UBE3C: variants seen among roughly 807,000 people sequenced by gnomAD.
UBE3C encodes ubiquitin protein ligase E3C.
A neutral mutation model predicts 129.4 loss-of-function variants in UBE3C; 42 were observed. The ratio of observed to expected loss-of-function variants is 0.32; its 90% confidence interval spans 0.25 to 0.42. The LOEUF (loss-of-function observed/expected upper bound fraction) is 0.42. UBE3C is among the 10% of genes least tolerant of loss of function. The probability of loss-of-function intolerance (pLI) is 1.00; values close to 1 mark genes in which losing one functional copy is unlikely to be tolerated. For missense variants in UBE3C, 1,049 were observed against 1,319.1 expected (o/e 0.80, Z 3.17); for synonymous variants, 510 against 492.4 (o/e 1.04, Z -0.47).
At chr7:157,261,509 G>A (rs1182869739) in intron 22 of UBE3C, among the ~76,000 whole-genome samples, 1 of 151,932 alleles carries the variant, frequency 6.6e-6, no homozygotes, top group Non-Finnish European at 1.5e-5. Flanking sequence ...TCCATGATAA[G>A]TGTTTTTGAA....
intron 9 of UBE3C, among the ~76,000 whole-genome samples, chr7:157,186,098 A>G (rs1808797508): frequency 6.6e-6 from 1 of 152,160 alleles, no homozygotes; most frequent in South Asian, 2.1e-4. Context: ...ATTAAGGTAT[A>G]AAATAGATTT....
At chr7:157,264,523 A>G (rs1398018136) in intron 22 of UBE3C, among the ~76,000 whole-genome samples, 1 of 151,056 alleles carries the variant, frequency 6.6e-6, no homozygotes, top group Non-Finnish European at 1.5e-5. Context: ...TGTTACACAC[A>G]CACACACACA....
intron 1 of UBE3C, among the ~76,000 whole-genome samples, chr7:157,157,961 C>T (rs1326783096): frequency 2.3e-5 from 3 of 129,662 alleles, no homozygotes; most frequent in Non-Finnish European, 4.7e-5. Context: ...GCCTGGGCAA[C>T]AGATATATAT....
intron 8 of UBE3C, among the ~76,000 whole-genome samples, 156 bp downstream of exon 8, chr7:157,182,484 C>G (rs1188230170): frequency 6.6e-6 from 1 of 152,100 alleles, no homozygotes; most frequent in South Asian, 2.1e-4. Flanking sequence ...CAGTGTGTTC[C>G]TGGGGACAGT....
intron 18 of UBE3C, among the ~76,000 whole-genome samples, chr7:157,239,020 G>A (rs912039130): frequency 6.6e-6 from 1 of 152,122 alleles, no homozygotes; most frequent in Non-Finnish European, 1.5e-5. Flanking sequence ...TCTGTGGCGT[G>A]GTGAAGGCAA....
chr7:157,257,006 G>C lies in UBE3C; in HGVS notation c.3043G>C (p.Val1015Leu), dbSNP rs1364552188. Residue 1015 changes from valine (V) to leucine (L), a missense_variant, in exon 22 of 23, where the codon GTA (valine) becomes CTA (leucine). Physicochemically the swap from Val to Leu is conservative, Grantham distance 32. This residue lies in a region of UBE3C where 243 missense variants were observed against 368.7 expected (regional missense o/e 0.66). Coordinates refer to ENST00000348165, the MANE Select transcript of UBE3C (RefSeq NM_014671.3). ...AGAAAAGCGCAAACTGCTGAAGTTTGTAACAAGCTGCTCTCGACCCCCTCT... is the reference window on the plus strand; with the variant it reads ...AGAAAAGCGCAAACTGCTGAAGTTTCTAACAAGCTGCTCTCGACCCCCTCT... ...DEEKRKLLKF[V>L]TSCSRPPLLG... 1 of 1,614,048 alleles carries C rather than the reference G, an allele frequency of 6.2e-7. No homozygotes were observed. Among genetic ancestry groups the C allele is most frequent in the Non-Finnish European group, 8.5e-7 (1 of 1,180,032 alleles).
At chr7:157,166,960 T>TG (rs1273934714) in intron 2 of UBE3C, among the ~76,000 whole-genome samples, 5 of 151,866 alleles carry the variant, frequency 3.3e-5, no homozygotes, top group Middle Eastern at 3.2e-3. Context: ...GACAAAGTCT[T>TG]GCTCTGTCAC....
At chr7:157,164,141 A>G (rs1172916856) in intron 2 of UBE3C, among the ~76,000 whole-genome samples, 2 of 152,024 alleles carry the variant, frequency 1.3e-5, no homozygotes. Flanking sequence ...TATTATAAAT[A>G]TAATGTTCAT....
intron 10 of UBE3C, among the ~76,000 whole-genome samples, chr7:157,193,151 C>A (rs113474971): frequency 6.4e-4 from 97 of 152,218 alleles, no homozygotes; most frequent in African/African-American, 2.3e-3. Context: ...CGAAATACAC[C>A]TTAAAATTTT....
chr7:157,167,017 C>T (rs951381613), intron 2 of UBE3C, among the ~76,000 whole-genome samples: 4 of 152,062 alleles, frequency 2.6e-5, no homozygotes, highest in African/African-American at 9.7e-5. Flanking sequence ...GCAACCTCCA[C>T]CTCCTGGCTT....
At chr7:157,178,975 T>C (rs1355252386) in intron 6 of UBE3C, 128 bp downstream of exon 6, 53 of 1,181,322 alleles carry the variant, frequency 4.5e-5, no homozygotes, top group Non-Finnish European at 5.4e-5. Context: ...CCAGACGCCT[T>C]GTGCTCCATC....
chr7:157,209,901 C>T (rs1199681263), intron 13 of UBE3C, among the ~76,000 whole-genome samples: 3 of 152,246 alleles, frequency 2.0e-5, no homozygotes, highest in African/African-American at 7.2e-5. Flanking sequence ...TAGGGCAAGG[C>T]CGGGTGTGGT....
chr7:157,188,184 G>A (rs1808862753), intron 10 of UBE3C, among the ~76,000 whole-genome samples: 1 of 152,246 alleles, frequency 6.6e-6, no homozygotes, highest in Admixed American at 6.5e-5. Flanking sequence ...AAAGCTGTCA[G>A]TAAGTAAGCA....
intron 6 of UBE3C, among the ~76,000 whole-genome samples, chr7:157,179,619 G>C (rs969979089): frequency 5.9e-5 from 9 of 152,328 alleles, no homozygotes; most frequent in Admixed American, 5.2e-4. Context: ...GGCTCGAGAA[G>C]TATTTGTCAG....
At chr7:157,197,001 C>T (rs1387736020) in intron 10 of UBE3C, among the ~76,000 whole-genome samples, 3 of 152,148 alleles carry the variant, frequency 2.0e-5, no homozygotes, top group African/African-American at 4.8e-5. Flanking sequence ...TTATGTGTTT[C>T]TGTTTAAGTT....
At chr7:157,150,948 T>G (rs1323454752) in intron 1 of UBE3C, among the ~76,000 whole-genome samples, 1 of 152,230 alleles carries the variant, frequency 6.6e-6, no homozygotes, top group African/African-American at 2.4e-5. Flanking sequence ...TGCTGGCCGT[T>G]GGCAGGAGAG....
intron 18 of UBE3C, among the ~76,000 whole-genome samples, chr7:157,234,211 CTT>C (rs919940735): frequency 1.1e-4 from 16 of 151,730 alleles, no homozygotes; most frequent in Admixed American, 9.8e-4. Flanking sequence ...GTGTTTTTTT[CTT>C]TTATTGCTTG....
At chr7:157,148,918 G>C (rs1231085185) in intron 1 of UBE3C, among the ~76,000 whole-genome samples, 2 of 151,882 alleles carry the variant, frequency 1.3e-5, no homozygotes, top group African/African-American at 4.8e-5. Flanking sequence ...ACCCCAGCCT[G>C]GCTCTGAAAA....
intron 16 of UBE3C, among the ~76,000 whole-genome samples, 159 bp from the exon 17 acceptor site, chr7:157,225,248 A>T (rs76861890): frequency 5.3e-5 from 8 of 152,226 alleles, no homozygotes; most frequent in Non-Finnish European, 8.8e-5. Flanking sequence ...TATATTATCT[A>T]TACATTTATT....
Sources: gnomAD v4.1 joint callset for allele counts (sites outside exome capture counted in the v4.1 genomes callset) on GRCh38, gnomAD v4.1.1 for gene constraint, gnomAD v4.1.1 regional missense constraint, MANE v1.5 for transcripts, NCBI Gene and HGNC (gene_info 2026-07-23, HGNC 2026-07-21) for gene names.